The following MTA3 variants were observed in gnomAD, a reference collection of about 807,000 sequenced individuals.
MTA3 encodes the protein metastasis-associated protein MTA3.
MTA3 carries 34 observed loss-of-function variants against 83.5 expected under a neutral mutation model. The observed-to-expected ratio is 0.41, with a 90% CI of 0.31 to 0.54. The LOEUF is 0.54. MTA3 is among the 20% of genes least tolerant of loss of function. MTA3 has a pLI of 0.33. For synonymous variants in MTA3, 303 were observed against 252.7 expected, an observed-to-expected ratio of 1.20 and a Z score of -1.89; for missense variants, 761 against 726.4, an observed-to-expected ratio of 1.05 and a Z score of -0.55.
chr2:42,583,034 G>T (rs756316298), intron 3 of MTA3, among the ~76,000 whole-genome samples: 1 of 152,010 alleles, frequency 6.6e-6, no homozygotes, highest in Non-Finnish European at 1.5e-5. Context: ...AGAGAGTAGA[G>T]AAATTACTTC....
chr2:42,638,576 A>T (rs1361570244), intron 4 of MTA3, among the ~76,000 whole-genome samples: 1 of 151,896 alleles, frequency 6.6e-6, no homozygotes, highest in African/African-American at 2.4e-5. Flanking sequence ...CTTGCTGTGT[A>T]GCCTGGTCTC....
intron 2 of MTA3, among the ~76,000 whole-genome samples, chr2:42,530,491 GA>G (rs35355311): frequency 0.37 from 54,336 of 145,582 alleles, 9,906 homozygotes; most frequent in African/African-American, 0.42. Flanking sequence ...CGTCTCAAAG[GA>G]AAAAAAAAAG....
chr2:42,547,194 G>C (rs147479454), intron 2 of MTA3, among the ~76,000 whole-genome samples: 256 of 152,292 alleles, frequency 1.7e-3, no homozygotes, highest in Middle Eastern at 3.4e-3. Context: ...TTCGCCAATC[G>C]GGCAGCCGGC....
intron 2 of MTA3, among the ~76,000 whole-genome samples, chr2:42,561,639 C>T (rs1677680326): frequency 6.6e-6 from 1 of 151,964 alleles, no homozygotes; most frequent in Non-Finnish European, 1.5e-5. Flanking sequence ...GTCCTTTTCT[C>T]TTAGCACTAA....
At chr2:42,568,929 A>ACCCCCACCCATCCCTTCCCCT (rs1188085854) in intron 1 of MTA3, among the ~76,000 whole-genome samples, 156 bp downstream of exon 1, 19 of 137,406 alleles carry the variant, frequency 1.4e-4, no homozygotes, top group African/African-American at 4.6e-4. Context: ...GGGACTCCCC[A>ACCCCCACCCATCCCTTCCCCT]CCCCCACCCA....
intron 3 of MTA3, among the ~76,000 whole-genome samples, chr2:42,591,582 A>C (rs148608227): frequency 6.6e-6 from 1 of 152,198 alleles, no homozygotes; most frequent in East Asian, 1.9e-4. Flanking sequence ...TTGAATGGCT[A>C]TACAAAAATA....
intron 2 of MTA3, among the ~76,000 whole-genome samples, chr2:42,516,888 G>A (rs1675168957): frequency 6.6e-6 from 1 of 152,174 alleles, no homozygotes; most frequent in East Asian, 1.9e-4. Flanking sequence ...ACTTTGAGAG[G>A]CCATGAAGGG....
chr2:42,541,551 A>G (rs138481077), intron 2 of MTA3, among the ~76,000 whole-genome samples: 1 of 152,286 alleles, frequency 6.6e-6, no homozygotes. Context: ...ACTGTAGACT[A>G]CTATGTGTTC....
intron 2 of MTA3, among the ~76,000 whole-genome samples, chr2:42,501,935 G>GCCACTGCACT (rs554565968): frequency 5.6e-4 from 85 of 152,246 alleles, no homozygotes; most frequent in African/African-American, 1.9e-3. Flanking sequence ...CCGAGATCGT[G>GCCACTGCACT]CCACTGCACT....
intron 12 of MTA3, among the ~76,000 whole-genome samples, 190 bp downstream of exon 12, chr2:42,704,508 G>C (rs186280556): frequency 5.3e-5 from 8 of 152,226 alleles, no homozygotes; most frequent in Admixed American, 4.6e-4. Flanking sequence ...TCCTTATTAC[G>C]TACCACACAC....
chr2:42,709,391 T>A, intron 14 of MTA3: 3 of 976,992 alleles, frequency 3.1e-6, no homozygotes, highest in Non-Finnish European at 4.0e-6. Flanking sequence ...TGGAATTGCC[T>A]GCAGAGCCCT....
At chr2:42,624,386 A>C (rs890121680) in intron 4 of MTA3, among the ~76,000 whole-genome samples, 1 of 151,808 alleles carries the variant, frequency 6.6e-6, no homozygotes, top group Non-Finnish European at 1.5e-5. Flanking sequence ...CAGTGGTGTG[A>C]TCTTGGCTCA....
intron 3 of MTA3, among the ~76,000 whole-genome samples, chr2:42,600,860 C>G (rs1682480510): frequency 6.6e-6 from 1 of 151,912 alleles, no homozygotes; most frequent in African/African-American, 2.4e-5. Flanking sequence ...ATTTCTTTTA[C>G]ATCTTTTATT....
chr2:42,514,818 G>C (rs947500819), intron 2 of MTA3, among the ~76,000 whole-genome samples: 1 of 149,158 alleles, frequency 6.7e-6, no homozygotes, highest in African/African-American at 2.5e-5. Context: ...CTCCAGAGTA[G>C]CTGGGACTAC....
intron 8 of MTA3, among the ~76,000 whole-genome samples, chr2:42,674,669 G>C (rs1156409974): frequency 6.9e-6 from 1 of 145,814 alleles, no homozygotes; most frequent in Non-Finnish European, 1.5e-5. Context: ...CCCGATCTCA[G>C]CTCACTGCAA....
intron 14 of MTA3, chr2:42,709,513 A>G (rs1197688955): frequency 5.9e-6 from 1 of 170,258 alleles, no homozygotes; most frequent in Non-Finnish European, 1.2e-5. Context: ...TGGATTCATT[A>G]GGTTTAAATA....
At chr2:42,711,169 C>T (rs554280644) in intron 14 of MTA3, among the ~76,000 whole-genome samples, 2 of 152,236 alleles carry the variant, frequency 1.3e-5, no homozygotes, top group African/African-American at 2.4e-5. Flanking sequence ...GATCCAGTAT[C>T]ATCTTTGTCC....
intron 2 of MTA3, among the ~76,000 whole-genome samples, chr2:42,573,281 A>G (rs1439226345): frequency 6.6e-6 from 1 of 152,128 alleles, no homozygotes; most frequent in Non-Finnish European, 1.5e-5. Flanking sequence ...GGACATTCTT[A>G]GTTTGAAGAG....
chr2:42,539,154 C>G (rs746548300), intron 2 of MTA3, among the ~76,000 whole-genome samples: 9 of 152,068 alleles, frequency 5.9e-5, no homozygotes, highest in Non-Finnish European at 1.2e-4. Flanking sequence ...AGGTTAGTTC[C>G]TTAGTTTGTC....
Sources: allele counts gnomAD v4.1 joint callset (sites outside exome capture counted in the v4.1 genomes callset), GRCh38; gene constraint gnomAD v4.1.1; transcripts MANE v1.5; gene names NCBI Gene and HGNC (gene_info 2026-07-23, HGNC 2026-07-21).